The following RAB17 variants were observed in gnomAD, a reference collection of about 807,000 sequenced individuals.
RAB17 encodes the protein ras-related protein Rab-17.
A neutral mutation model predicts 19.3 loss-of-function variants in RAB17; 15 were observed. The observed-to-expected ratio is 0.78, with a 90% CI of 0.52 to 1.20. The LOEUF is 1.20. Ranked by LOEUF, RAB17 falls within the 50% of genes most tolerant of loss-of-function variation. The pLI is 0.00. For missense variants in RAB17, 262 were observed against 269.3 expected, an observed-to-expected ratio of 0.97 and a Z score of 0.19; for synonymous variants, 110 against 112.8, an observed-to-expected ratio of 0.97 and a Z score of 0.16.
chr2:237,576,444 A>G (rs1242389133), intron 4 of RAB17: 1 of 391,592 alleles, frequency 2.6e-6, no homozygotes, highest in Non-Finnish European at 5.2e-6. Context: ...CCCCACCCCA[A>G]CTTGCAACGA....
chr2:237,580,611 C>A (rs1051132415), intron 2 of RAB17, among the ~76,000 whole-genome samples: 2 of 152,122 alleles, frequency 1.3e-5, no homozygotes, highest in Non-Finnish European at 2.9e-5. Flanking sequence ...TGCTGGCATG[C>A]CCCTGTAGTC....
chr2:237,580,747 A>G (rs910018852), intron 2 of RAB17, among the ~76,000 whole-genome samples: 4 of 152,210 alleles, frequency 2.6e-5, no homozygotes, highest in South Asian at 2.1e-4. Context: ...CTCTGCCTCA[A>G]AAAAAGAAGG....
At position 237,574,591 on chromosome 2, in the gene RAB17, C is replaced by A. The variant is rs1272219840; in HGVS notation, c.*428G>T. 1 of 1,545,234 alleles carries A rather than the reference C, an allele frequency of 6.5e-7. No individual in the cohort carries two copies. The highest frequency in any genetic ancestry group is 8.7e-7 in the Non-Finnish European group (1 of 1,144,090). On this transcript the variant is annotated 3_prime_UTR_variant, in exon 6 of 6. Coordinates refer to ENST00000264601, the MANE Select transcript of RAB17 (RefSeq NM_022449.4). ...TCCTGGCACCACCACCTCCATCTGG[C>A]CTGCTCCCCAACCCCCCAGAAGCAG... is the stretch of plus-strand genomic sequence containing the variant.
At position 237,586,038 on chromosome 2, in the gene RAB17, G is replaced by A. The variant is rs34052613; in HGVS notation, c.117C>T (p.Tyr39=). ...GGATACTCTTGAAGTCGTTCTTCAC[G>A]TACCGAAGAGCCAAGCTGGACTTAC... ...SVGKSSLALR[Y]VKNDFKSILP... is the part of the protein sequence containing the mutation. Residue 39 remains tyrosine (Y), a synonymous_variant, in exon 2 of 6, where the codon TAC becomes TAT. Coordinates refer to ENST00000264601, the MANE Select transcript of RAB17 (RefSeq NM_022449.4). 0.11 allele frequency: 183,989 copies of A among 1,612,788 alleles called. 11,281 individuals carry two copies. Among genetic ancestry groups the A allele is most frequent in the Non-Finnish European group, 0.13 (147,570 of 1,179,380 alleles).
chr2:237,577,540 G>A (rs1186935447), intron 3 of RAB17, 158 bp from the exon 4 acceptor site: 2 of 799,986 alleles, frequency 2.5e-6, no homozygotes, highest in Non-Finnish European at 3.8e-6. Flanking sequence ...TTCCTCTGAG[G>A]AGGGCACGTT....
chr2:237,584,525 G>T (rs777233018), intron 2 of RAB17, among the ~76,000 whole-genome samples: 1 of 152,110 alleles, frequency 6.6e-6, no homozygotes, highest in Admixed American at 6.5e-5. Context: ...ATTTACAGAG[G>T]GTAAGTACCT....
At chr2:237,585,137 T>A (rs1441159765) in intron 2 of RAB17, among the ~76,000 whole-genome samples, 1 of 151,774 alleles carries the variant, frequency 6.6e-6, no homozygotes, top group African/African-American at 2.4e-5. Context: ...TTTAGCTGGT[T>A]ATAGAATCCA....
chr2:237,579,272 C>T (rs373225468), intron 2 of RAB17: 1 of 152,242 alleles, frequency 6.6e-6, no homozygotes, highest in East Asian at 1.9e-4. Flanking sequence ...TAAAAACTTA[C>T]ACTCCAAGGA....
chr2:237,585,326 T>C (rs1429900800), intron 2 of RAB17: 2 of 168,332 alleles, frequency 1.2e-5, no homozygotes, highest in Admixed American at 6.5e-5. Context: ...ACACGCTGGC[T>C]TTCCCCATTT....
chr2:237,578,124 A>T lies in RAB17; in HGVS notation c.189T>A (p.Gly63=). Residue 63 remains glycine (G), a synonymous_variant, in exon 3 of 6, where the codon GGT becomes GGA. Coordinates refer to ENST00000264601, the MANE Select transcript of RAB17 (RefSeq NM_022449.4). ...AGATCTCAAGCTTCAGAGAGGTGGC[A>T]CCCACATCCACCACCTTTGTGAAGA... ...CAFFTKVVDV[G]ATSLKLEIWD... is the part of the protein sequence containing the mutation. 6.2e-7 allele frequency: 1 copy of T among 1,613,384 alleles called. No individual in the cohort carries two copies. The highest frequency in any genetic ancestry group is 1.1e-5 in the South Asian group (1 of 91,050).
Position 237,575,078 on chromosome 2 carries a change from C to G in RAB17, c.580G>C (p.Asp194His). The change falls in exon 6 of 6, where the codon GAT becomes CAT. Residue 194 changes from aspartate to histidine, a missense_variant. By Grantham distance (81) the Asp-to-His change is moderately conservative (BLOSUM62 -1). Coordinates refer to ENST00000264601, the MANE Select transcript of RAB17 (RefSeq NM_022449.4). Reference sequence around the variant, plus strand: ...CCCTTGTTCAGAGCCACAGCTGCATCCCCCCGTAGAGCCTGGCCCTCCTCG... The same window carrying G: ...CCCTTGTTCAGAGCCACAGCTGCATGCCCCCGTAGAGCCTGGCCCTCCTCG... ...SDEEGQALRG[D>H]AAVALNKGPA... is the part of the protein sequence containing the mutation. The G allele has an allele frequency of 6.2e-7, 1 of 1,613,438 alleles. No individual in the cohort carries two copies. Among genetic ancestry groups the G allele is most frequent in the South Asian group, 1.1e-5 (1 of 90,962 alleles).
At chr2:237,586,241 G>T in intron 1 of RAB17, 84 bp from the exon 2 acceptor site, 1 of 1,441,932 alleles carries the variant, frequency 6.9e-7, no homozygotes, top group South Asian at 1.4e-5. Context: ...GCTGCTTCTC[G>T]GTCAGGAGCA....
chr2:237,577,893 A>G, intron 3 of RAB17, 111 bp downstream of exon 3: 3 of 1,253,760 alleles, frequency 2.4e-6, no homozygotes, highest in Non-Finnish European at 3.3e-6. Flanking sequence ...ACTGTTGCTC[A>G]CTAATGGAGT....
chr2:237,583,668 C>T (rs1369421840), intron 2 of RAB17, among the ~76,000 whole-genome samples: 2 of 152,210 alleles, frequency 1.3e-5, no homozygotes, highest in African/African-American at 2.4e-5. Context: ...GGCCACAGCC[C>T]ACAGCCTCCC....
In RAB17 at chr2:237,575,011, G is replaced by A. The variant is rs72990107; in HGVS notation, c.*8C>T. 0.13 allele frequency: 203,062 copies of A among 1,594,032 alleles called. 14,001 individuals are homozygous for A. The highest frequency in any genetic ancestry group is 0.22 in the East Asian group (9,614 of 44,622). On this transcript the variant is annotated 3_prime_UTR_variant, in exon 6 of 6. Coordinates refer to ENST00000264601, the MANE Select transcript of RAB17 (RefSeq NM_022449.4). ...TGTCTTCCCCACAGCCCCCAGGAGT[G>A]GCTGCACCTAGTGGGCGCAGCATTT...
intron 4 of RAB17, 43 bp from the exon 5 acceptor site, chr2:237,575,523 G>A (rs1310286513): frequency 6.9e-7 from 1 of 1,439,222 alleles, no homozygotes; most frequent in Non-Finnish European, 9.7e-7. Flanking sequence ...TTATAAGAGA[G>A]TTTCCTAAGG....
At chr2:237,585,885 G>A (rs1559398362) in intron 2 of RAB17, 113 bp downstream of exon 2, 1 of 1,181,168 alleles carries the variant, frequency 8.5e-7, no homozygotes, top group Admixed American at 2.5e-5. Context: ...GCAGCTCAAG[G>A]TCCCAGCATG....
intron 1 of RAB17, among the ~76,000 whole-genome samples, chr2:237,590,202 C>G (rs933379928): frequency 6.6e-6 from 1 of 151,294 alleles, no homozygotes; most frequent in Non-Finnish European, 1.5e-5. Flanking sequence ...GGAACTTTCC[C>G]GAAGAAAAAT....
At position 237,574,831 on chromosome 2, in the gene RAB17, G is replaced by A. The variant is rs1302589562; in HGVS notation, c.*188C>T. On this transcript the variant is annotated 3_prime_UTR_variant, in exon 6 of 6. Transcript: ENST00000264601. ...GGCACAGCACTTTCCTGGGAGCCAT[G>A]TGACGCCAGATCTTCCTCTGGCAGT... 2.4e-6 allele frequency: 2 copies of A among 847,408 alleles called. No individual in the cohort carries two copies. The highest frequency in any genetic ancestry group is 2.2e-5 in the South Asian group (1 of 46,380). The allele number at this position is 847,408 out of a possible 1,614,324, so 52.5% of individuals were successfully genotyped here.
Sources: gnomAD v4.1 joint callset for allele counts (sites outside exome capture counted in the v4.1 genomes callset) on GRCh38, gnomAD v4.1.1 for gene constraint, MANE v1.5 for transcripts, NCBI Gene and HGNC (gene_info 2026-07-23, HGNC 2026-07-21) for gene names.